Variants in MLLT6 observed in about 807,000 individuals in gnomAD.
The protein encoded by MLLT6 is MLLT6, PHD finger containing, also known as protein AF-17.
MLLT6 carries 22 observed loss-of-function variants against 103.0 expected under a neutral mutation model. The ratio of observed to expected loss-of-function variants is 0.21; its 90% confidence interval spans 0.15 to 0.31. The LOEUF (loss-of-function observed/expected upper bound fraction) is 0.31. Among genes scored for constraint, MLLT6 ranks in the 10% least tolerant of loss-of-function variants. The pLI is 1.00. For synonymous variants in MLLT6, 606 were observed against 623.5 expected, an observed-to-expected ratio of 0.97 and a Z score of 0.42; for missense variants, 1,199 against 1,441.7, an observed-to-expected ratio of 0.83 and a Z score of 2.73.
chr17:38,709,223 A>G lies in MLLT6; in HGVS notation c.405A>G (p.Gly135=), dbSNP rs373760202. The G allele has an allele frequency of 6.8e-6, 11 of 1,612,956 alleles. No homozygotes were observed. In the African/African-American group the frequency reaches 1.3e-4, roughly 20 times the overall value. The change falls in exon 5 of 20, where the codon GGA becomes GGG. Residue 135 remains glycine, a synonymous_variant. Coordinates refer to ENST00000621332, the MANE Select transcript of MLLT6 (RefSeq NM_005937.4). This position sits in a 1 kb window ranked among gnomAD's most constrained non-coding sequence, Gnocchi z 4.3. The part of the protein sequence containing the change: ...EQGRESKAAS[G]ACMTCNRHGC... ...GCCGGGAGAGCAAGGCGGCCTCGGG[A>G]GCCTGCATGACCTGTAACCGCCATG...
Position 38,722,737 on chromosome 17 carries a change from A to G in MLLT6, c.2852A>G (p.Gln951Arg). The stretch of plus-strand genomic sequence containing the variant: ...CAAGAGCAGCAGCTCCAGCAACTCC[A>G]GCAGCTCCTGGCCTCCCCGCAGCTG... Reference protein sequence around the residue: ...QQQEQQLQQLQQLLASPQLTP... With the variant: ...QQQEQQLQQLRQLLASPQLTP... The change falls in exon 18 of 20, where the codon CAG (glutamine) becomes CGG (arginine). Residue 951 changes from glutamine (Q) to arginine (R), a missense_variant. Gln to Arg is a conservative substitution (Grantham distance 43). Around this residue, in one of 7 missense-constraint regions of MLLT6, gnomAD observed 1,034 missense variants for 1,091.5 expected, o/e 0.95. Coordinates refer to ENST00000621332, the MANE Select transcript of MLLT6 (RefSeq NM_005937.4). The G allele has an allele frequency of 1.3e-6, 2 of 1,528,154 alleles. No individual in the cohort carries two copies. The highest frequency in any genetic ancestry group is 8.8e-7 in the Non-Finnish European group (1 of 1,132,422). The allele number at this position is 1,528,154 out of a possible 1,614,324, so 94.7% of individuals were successfully genotyped here. A position where few individuals can be genotyped will look rare whatever the true frequency, so the allele number is the denominator to read the frequency against.
At chr17:38,707,079 G>A (rs1159360313) in intron 2 of MLLT6, 50 bp downstream of exon 2, 2 of 1,523,030 alleles carry the variant, frequency 1.3e-6, no homozygotes, top group Admixed American at 1.8e-5. Context: ...CCACACACCT[G>A]AGCGTCTCAG....
chr17:38,707,937 C>T (rs1008381611), intron 4 of MLLT6, 65 bp downstream of exon 4: 1 of 1,009,072 alleles, frequency 9.9e-7, no homozygotes. Context: ...CCAACGCTCT[C>T]TTCATCCGGT....
chr17:38,705,701 C>G lies in MLLT6; in HGVS notation c.69C>G (p.Val23=). ...GGGGCTGGGCCGAGAACCCGCTGGT[C>G]TACTGCGATGGGCACGCGTGCAGCG... ...DERGWAENPL[V]YCDGHACSVA... The change falls in exon 1 of 20, where the codon GTC becomes GTG. Residue 23 remains valine, a synonymous_variant. Transcript: ENST00000621332. 1 of 1,562,882 alleles carries G rather than the reference C, an allele frequency of 6.4e-7. No individual in the cohort carries two copies. The highest frequency in any genetic ancestry group is 8.7e-7 in the Non-Finnish European group (1 of 1,152,838).
At chr17:38,710,758 T>G (rs1439102931) in intron 6 of MLLT6, among the ~76,000 whole-genome samples, 2 of 152,202 alleles carry the variant, frequency 1.3e-5, no homozygotes, top group African/African-American at 2.4e-5. Context: ...TTATACCTGT[T>G]GCCCTGGTGT....
intron 10 of MLLT6, 136 bp downstream of exon 10, chr17:38,717,117 C>T (rs1905385600): frequency 7.7e-7 from 1 of 1,297,258 alleles, no homozygotes. Flanking sequence ...CAGTCACCTT[C>T]AGGACATCCC....
At chr17:38,712,969 A>G (rs1905195516) in intron 8 of MLLT6, 180 bp downstream of exon 8, 7 of 767,998 alleles carry the variant, frequency 9.1e-6, no homozygotes, top group Non-Finnish European at 1.5e-5. Flanking sequence ...AGGGGCCACC[A>G]ATCACCGACC....
rs1906192741 is a variant in MLLT6, at chr17:38,729,174, C to T, written c.*3576C>T. 4.3e-6 allele frequency: 1 copy of T among 233,210 alleles called. No homozygotes were observed. The highest frequency in any genetic ancestry group is 2.2e-5 in the African/African-American group (1 of 45,344). 14.4% of individuals were successfully genotyped at this position (233,210 alleles called of 1,614,324 possible). A position where few individuals can be genotyped will look rare whatever the true frequency, so the allele number is the denominator to read the frequency against. On this transcript the variant is annotated 3_prime_UTR_variant, in exon 20 of 20. Coordinates refer to ENST00000621332, the MANE Select transcript of MLLT6 (RefSeq NM_005937.4). ...CAGGTTTTCAAAGGCACAGGCTCCCCCTGCCAGCTTCTAGGATCTTCCTTG... is the reference window on the plus strand; with the variant it reads ...CAGGTTTTCAAAGGCACAGGCTCCCTCTGCCAGCTTCTAGGATCTTCCTTG...
intron 1 of MLLT6, 116 bp from the exon 2 acceptor site, chr17:38,706,834 A>C: frequency 1.3e-6 from 1 of 758,392 alleles, no homozygotes; most frequent in Non-Finnish European, 2.2e-6. Context: ...ACTGGGGAGC[A>C]GCCCCCACTG....
chr17:38,719,577 C>A lies in MLLT6; in HGVS notation c.2003C>A (p.Ser668Tyr). ...GGGACCTCCCCTCAGGAGAGTCTGT[C>A]TTCCATGTGAGGGAAGGGGCAGCCT... is the stretch of plus-strand genomic sequence containing the variant. ...CRGTSPQESLSSMSPISSLPA... is the reference protein window; with the variant it reads ...CRGTSPQESLYSMSPISSLPA... The change falls in exon 13 of 20, where the codon TCT becomes TAT. Residue 668 changes from serine (S) to tyrosine (Y), a missense_variant. Transcript: ENST00000621332. 1 of 1,607,902 alleles carries A rather than the reference C, an allele frequency of 6.2e-7. No homozygotes were observed.
Position 38,721,970 on chromosome 17 carries a change from C to T in MLLT6, c.2535C>T (p.Ala845=). The T allele has an allele frequency of 6.6e-7, 1 of 1,504,764 alleles. No homozygotes were observed. The highest frequency in any genetic ancestry group is 1.2e-5 in the South Asian group (1 of 82,492). 93.2% of individuals were successfully genotyped at this position (1,504,764 alleles called of 1,614,324 possible). A position where few individuals can be genotyped will look rare whatever the true frequency, so the allele number is the denominator to read the frequency against. The change falls in exon 17 of 20, where the codon GCC becomes GCT. Residue 845 remains alanine, a synonymous_variant. Coordinates refer to ENST00000621332, the MANE Select transcript of MLLT6 (RefSeq NM_005937.4). ...TGCCCCTCCTCCAGCAGAGCCCTGC[C>T]ACTCTGCCCCTGGCCCTGCCTGGGG... The part of the protein sequence containing the change: ...PPLPLLQQSP[A]TLPLALPGAP...
rs761026675 is a variant in MLLT6 at position 38,709,310 on chromosome 17, G to A, written c.458+34G>A. The A allele has an allele frequency of 2.5e-6, 4 of 1,571,740 alleles. No homozygotes were observed. In the East Asian group the frequency reaches 6.7e-5, roughly 26 times the overall value. ...CCTGTCCCACCCCCCTGCCCCCCGGGTTTGTCCTGGATGGCCACTGATCAG... is the reference window on the plus strand; with the variant it reads ...CCTGTCCCACCCCCCTGCCCCCCGGATTTGTCCTGGATGGCCACTGATCAG... On this transcript the variant is annotated intron_variant, in intron 5 of 19. Coordinates refer to ENST00000621332, the MANE Select transcript of MLLT6 (RefSeq NM_005937.4). This position sits in a 1 kb window ranked among gnomAD's most constrained non-coding sequence, Gnocchi z 4.3.
At chr17:38,717,404 G>T in intron 10 of MLLT6, 28 bp from the exon 11 acceptor site, 1 of 1,539,928 alleles carries the variant, frequency 6.5e-7, no homozygotes, top group South Asian at 1.2e-5. Context: ...GAGTAACCAC[G>T]TGCTTCCCTC....
In MLLT6 at chr17:38,705,662, A is replaced by G. The variant is rs369231140; in HGVS notation, c.30A>G (p.Val10=). 1.0e-5 allele frequency: 16 copies of G among 1,548,526 alleles called. No homozygotes were observed. Among genetic ancestry groups the G allele is most frequent in the South Asian group, 2.3e-5 (2 of 87,150 alleles). The change falls in exon 1 of 20, where the codon GTA becomes GTG. Residue 10 remains valine (V), a synonymous_variant. Coordinates refer to ENST00000621332, the MANE Select transcript of MLLT6 (RefSeq NM_005937.4). ...AGGAGATGGTAGGAGGCTGCTGCGT[A>G]TGTTCGGACGAGAGGGGCTGGGCCG... is the stretch of plus-strand genomic sequence containing the variant. MKEMVGGCC[V]CSDERGWAEN... is the part of the protein sequence containing the mutation.
intron 18 of MLLT6, among the ~76,000 whole-genome samples, chr17:38,723,140 T>G (rs1905851185): frequency 6.6e-6 from 1 of 152,200 alleles, no homozygotes; most frequent in Non-Finnish European, 1.5e-5. Context: ...CCACAGCAGC[T>G]TCTTTGGGTC....
At position 38,724,534 on chromosome 17, in the gene MLLT6, G is replaced by T. The variant is rs1441497226; in HGVS notation, c.2884-86G>T. 8.0e-6 allele frequency: 8 copies of T among 1,002,760 alleles called. No homozygotes were observed. The highest frequency in any genetic ancestry group is 1.6e-5 in the South Asian group (1 of 61,272). 62.1% of individuals were successfully genotyped at this position (1,002,760 alleles called of 1,614,324 possible). On this transcript the variant is annotated intron_variant, in intron 18 of 19. Transcript: ENST00000621332. The surrounding 1 kb of genome is among the most constrained non-coding windows in gnomAD (Gnocchi z 5.4). ...TGCCTCCTGATTCCAGTGTGATGGG[G>T]TGGGGCCTGGCCAGGCAGGGCAGGC...
At chr17:38,706,209 C>G (rs1455835083) in intron 1 of MLLT6, 2 of 152,264 alleles carry the variant, frequency 1.3e-5, no homozygotes, top group Non-Finnish European at 1.5e-5. Context: ...CTCCTAAAAT[C>G]CGCCGGGGAA....
intron 13 of MLLT6, 37 bp downstream of exon 13, chr17:38,719,620 C>CAGGAGGGACACCCGAGGG: frequency 6.3e-7 from 1 of 1,579,876 alleles, no homozygotes; most frequent in Non-Finnish European, 8.6e-7. Flanking sequence ...GGGCTGGGGG[C>CAGGAGGGACACCCGAGGG]AGGAGGGACA....
At chr17:38,715,460 C>T in intron 8 of MLLT6, 152 bp from the exon 9 acceptor site, 2 of 1,354,306 alleles carry the variant, frequency 1.5e-6, no homozygotes, top group Non-Finnish European at 1.9e-6. Context: ...TCTAGGAGCT[C>T]CTGGCCACTC....
Sources: gnomAD v4.1 joint callset for allele counts (sites outside exome capture counted in the v4.1 genomes callset) on GRCh38, gnomAD v4.1.1 for gene constraint, gnomAD v4.1.1 regional missense constraint, Gnocchi (gnomAD v3.1) non-coding constraint, MANE v1.5 for transcripts, NCBI Gene and HGNC (gene_info 2026-07-23, HGNC 2026-07-21) for gene names.